ADCY2: variants seen among roughly 807,000 people sequenced by gnomAD.
ADCY2 encodes the protein adenylate cyclase type 2.
Under a neutral mutation model 125.2 loss-of-function variants are expected in ADCY2, and 31 were observed. The ratio of observed to expected loss-of-function variants is 0.25; its 90% CI spans 0.19 to 0.33. ADCY2 has a LOEUF of 0.33. Among genes scored for constraint, ADCY2 ranks in the 10% least tolerant of loss-of-function variants. The probability of loss-of-function intolerance (pLI) is 1.00; values close to 1 mark genes in which losing one functional copy is unlikely to be tolerated. For missense variants in ADCY2, 904 were observed against 1,418.2 expected (o/e 0.64, Z 5.82); for synonymous variants, 512 against 548.4 (o/e 0.93, Z 0.93).
intron 2 of ADCY2, among the ~76,000 whole-genome samples, chr5:7,510,929 A>G (rs1561065947): frequency 6.6e-6 from 1 of 152,230 alleles, no homozygotes; most frequent in Non-Finnish European, 1.5e-5. Context: ...ACTGCCATCG[A>G]GGTGCTGCCT....
intron 2 of ADCY2, among the ~76,000 whole-genome samples, chr5:7,483,037 G>A (rs1292908177): frequency 6.6e-6 from 1 of 151,838 alleles, no homozygotes; most frequent in Non-Finnish European, 1.5e-5. Context: ...GAGGGATGAA[G>A]AGACATTGGT....
chr5:7,557,569 T>G (rs549945363), intron 3 of ADCY2, among the ~76,000 whole-genome samples: 2 of 152,214 alleles, frequency 1.3e-5, no homozygotes, highest in East Asian at 3.9e-4. Context: ...TTCCCCTCTT[T>G]GTGTCCATGT....
intron 3 of ADCY2, among the ~76,000 whole-genome samples, chr5:7,555,678 C>T (rs1579568594): frequency 6.6e-6 from 1 of 151,982 alleles, no homozygotes; most frequent in African/African-American, 2.4e-5. Flanking sequence ...TATGACATTC[C>T]CATAACTTTA....
At chr5:7,627,222 G>T (rs149655154) in intron 4 of ADCY2, among the ~76,000 whole-genome samples, 143 of 152,174 alleles carry the variant, frequency 9.4e-4, no homozygotes, top group African/African-American at 3.4e-3. Context: ...CGTTGTCAGG[G>T]GCATCCTAGG....
At chr5:7,462,775 G>C (rs1475338569) in intron 2 of ADCY2, among the ~76,000 whole-genome samples, 3 of 152,216 alleles carry the variant, frequency 2.0e-5, no homozygotes, top group Admixed American at 6.5e-5. Flanking sequence ...TGTTAGGCAG[G>C]TTTTCCTATT....
intron 2 of ADCY2, among the ~76,000 whole-genome samples, chr5:7,428,591 A>C (rs1278160772): frequency 6.6e-6 from 1 of 152,206 alleles, no homozygotes; most frequent in Non-Finnish European, 1.5e-5. Flanking sequence ...TTTATTGTCC[A>C]ATAAATTCAA....
intron 14 of ADCY2, among the ~76,000 whole-genome samples, chr5:7,740,030 T>C (rs898116638): frequency 1.7e-4 from 26 of 151,894 alleles, no homozygotes; most frequent in African/African-American, 6.3e-4. Flanking sequence ...TTTATATTTG[T>C]GAATGGATAA....
chr5:7,748,162 C>G (rs1742687822), intron 15 of ADCY2, among the ~76,000 whole-genome samples: 1 of 152,148 alleles, frequency 6.6e-6, no homozygotes, highest in African/African-American at 2.4e-5. Flanking sequence ...CAGCTATTCT[C>G]AGGCAGAGAA....
chr5:7,750,769 T>C (rs1742787117), intron 15 of ADCY2, among the ~76,000 whole-genome samples: 1 of 143,248 alleles, frequency 7.0e-6, no homozygotes, highest in South Asian at 2.3e-4. Flanking sequence ...GGTGGGAGTT[T>C]TTGTAGGATT....
chr5:7,654,301 G>A, intron 4 of ADCY2: 1 of 371,310 alleles, frequency 2.7e-6, no homozygotes, highest in Non-Finnish European at 5.3e-6. Context: ...GGGTGGCGGG[G>A]AGAAGCCTCA....
chr5:7,409,554 C>T (rs933968069), intron 1 of ADCY2, among the ~76,000 whole-genome samples: 1 of 152,098 alleles, frequency 6.6e-6, no homozygotes, highest in African/African-American at 2.4e-5. Flanking sequence ...TGTGATAACT[C>T]TTCTTTGAAA....
intron 2 of ADCY2, among the ~76,000 whole-genome samples, chr5:7,503,715 G>A (rs1432683482): frequency 2.0e-5 from 3 of 152,222 alleles, no homozygotes; most frequent in African/African-American, 4.8e-5. Context: ...CATGGCCCAC[G>A]CAGCTGTGGT....
In ADCY2 at chr5:7,754,891, C is replaced by T. The variant is rs1404985571; in HGVS notation, c.1957-2558C>T. Among the ~76,000 whole-genome samples, 3 of 151,394 alleles carry T rather than the reference C, an allele frequency of 2.0e-5. No homozygotes were observed. In the South Asian group the frequency reaches 6.3e-4, roughly 32 times the overall value. ...AAAAAAAAGAAAAAACAAAACAAAACAAAACAAAAAACCTTCTTCTACGGA... is the reference window on the plus strand; with the variant it reads ...AAAAAAAAGAAAAAACAAAACAAAATAAAACAAAAAACCTTCTTCTACGGA... On this transcript the variant is annotated intron_variant, in intron 15 of 24. Coordinates refer to ENST00000338316, the MANE Select transcript of ADCY2 (RefSeq NM_020546.3).
intron 2 of ADCY2, among the ~76,000 whole-genome samples, chr5:7,509,017 G>T (rs1330436478): frequency 6.6e-6 from 1 of 152,142 alleles, no homozygotes; most frequent in Non-Finnish European, 1.5e-5. Flanking sequence ...AAAGTTTGCA[G>T]ACTTTAACTA....
intron 3 of ADCY2, 121 bp from the exon 4 acceptor site, chr5:7,626,046 A>T: frequency 1.8e-6 from 2 of 1,100,502 alleles, no homozygotes; most frequent in Non-Finnish European, 2.6e-6. Flanking sequence ...TTGGAAACAG[A>T]AGTAAAATTA....
intron 2 of ADCY2, among the ~76,000 whole-genome samples, chr5:7,513,009 G>A (rs1467024332): frequency 1.3e-5 from 2 of 151,532 alleles, no homozygotes; most frequent in Admixed American, 1.3e-4. Context: ...GGGAAGAGGT[G>A]ATTTCTCAAC....
At chr5:7,399,657 A>G (rs1465349917) in intron 1 of ADCY2, among the ~76,000 whole-genome samples, 4 of 152,264 alleles carry the variant, frequency 2.6e-5, no homozygotes, top group Non-Finnish European at 5.9e-5. Context: ...CTCAGTAAAT[A>G]TAAAATTTGA....
At chr5:7,579,601 G>A (rs1736362073) in intron 3 of ADCY2, among the ~76,000 whole-genome samples, 1 of 152,200 alleles carries the variant, frequency 6.6e-6, no homozygotes. Context: ...CAGATATGGA[G>A]TTTGACTCCT....
chr5:7,708,342 T>A (rs1050406097), intron 9 of ADCY2, among the ~76,000 whole-genome samples: 10 of 152,192 alleles, frequency 6.6e-5, no homozygotes, highest in Non-Finnish European at 1.3e-4. Context: ...ACAAGCATAT[T>A]TACCTTCCGT....
Sources: gnomAD v4.1 joint callset for allele counts (sites outside exome capture counted in the v4.1 genomes callset) on GRCh38, gnomAD v4.1.1 for gene constraint, MANE v1.5 for transcripts, NCBI Gene and HGNC (gene_info 2026-07-23, HGNC 2026-07-21) for gene names.